Variants in EPX observed in about 807,000 individuals in gnomAD.
The protein encoded by EPX is eosinophil peroxidase.
In EPX, 60 loss-of-function variants were observed where a neutral mutation model predicts 73.0. That is an observed-to-expected ratio of 0.82 (90% CI 0.67 to 1.02). The LOEUF (loss-of-function observed/expected upper bound fraction) is 1.02. EPX is among the 50% of genes least tolerant of loss of function. The pLI, the probability that EPX is intolerant of heterozygous loss-of-function variation, is 0.00. For missense variants in EPX, 950 were observed against 973.9 expected (o/e 0.98, Z 0.33); for synonymous variants, 347 against 389.2 (o/e 0.89, Z 1.28).
chr17:58,202,302 A>T (rs982999872), intron 10 of EPX: 2 of 152,316 alleles, frequency 1.3e-5, no homozygotes, highest in African/African-American at 4.8e-5. Flanking sequence ...ACATCTTATG[A>T]TGTGGCTTGG....
rs1968363173 is a variant in EPX at position 58,203,124 on chromosome 17, G to C, written c.1752G>C (p.Arg584=). 6.2e-7 allele frequency: 1 copy of C among 1,614,056 alleles called. No individual in the cohort carries two copies. The highest frequency in any genetic ancestry group is 1.3e-5 in the African/African-American group (1 of 74,932). ...GCTTCTGTGGGCTCTCCCAGCCCCGGAATTTGGCACAGCTTAGCCGGGTGC... is the reference window on the plus strand; with the variant it reads ...GCTTCTGTGGGCTCTCCCAGCCCCGCAATTTGGCACAGCTTAGCCGGGTGC... ...WRRFCGLSQP[R]NLAQLSRVLK... is the part of the protein sequence containing the mutation. Residue 584 remains arginine, a synonymous_variant, in exon 11 of 13, where the codon CGG becomes CGC. Coordinates refer to ENST00000225371, the MANE Select transcript of EPX (RefSeq NM_000502.6).
chr17:58,196,043 TTTTC>T (rs895811114), intron 6 of EPX, among the ~76,000 whole-genome samples: 6 of 68,540 alleles, frequency 8.8e-5, no homozygotes, highest in African/African-American at 1.4e-4. Context: ...CTTTCTTTCT[TTTTC>T]TTTCTTTTTC....
rs545981521 is a variant in EPX at position 58,202,620 on chromosome 17, T to C, written c.1709-461T>C. On this transcript the variant is annotated intron_variant, in intron 10 of 12. Transcript: ENST00000225371. ...AGGACCTCTCATATCAACAGAATCA[T>C]AGTGTGCCGTCCTTTTCTGAGTAGA... The C allele has an allele frequency of 4.7e-5, 12 of 257,556 alleles. No homozygotes were observed. In the South Asian group the frequency reaches 5.6e-4, roughly 12 times the overall value. The allele number at this position is 257,556 out of a possible 1,614,324, so 16.0% of individuals were successfully genotyped here. A position where few individuals can be genotyped will look rare whatever the true frequency, so the allele number is the denominator to read the frequency against.
In EPX at chr17:58,199,205, G is replaced by A. The variant is rs202076651; in HGVS notation, c.1281+5G>A. On this transcript the variant is annotated splice_donor_5th_base_variant and intron_variant, in intron 8 of 12. Transcript: ENST00000225371. ...ATCATGGGGGCCATGGTCCAGGTAAGGAGCTCTGCATCCCAGCATCCCCCA... is the reference window on the plus strand; with the variant it reads ...ATCATGGGGGCCATGGTCCAGGTAAAGAGCTCTGCATCCCAGCATCCCCCA... 2.6e-4 allele frequency: 412 copies of A among 1,613,598 alleles called. No individual in the cohort carries two copies. Among genetic ancestry groups the A allele is most frequent in the Non-Finnish European group, 2.7e-4 (321 of 1,179,672 alleles).
Position 58,192,870 on chromosome 17 carries a change from A to T in EPX, c.24A>T (p.Ala8=), listed in dbSNP as rs1968193836. 5.0e-6 allele frequency: 8 copies of T among 1,614,108 alleles called. No individual in the cohort carries two copies. Among genetic ancestry groups the T allele is most frequent in the Non-Finnish European group, 6.8e-6 (8 of 1,179,984 alleles). The change falls in exon 1 of 13, where the codon GCA becomes GCT. Residue 8 remains alanine (A), a synonymous_variant. Coordinates refer to ENST00000225371, the MANE Select transcript of EPX (RefSeq NM_000502.6). Reference sequence around the variant, plus strand: ...AGATGCATCTGCTCCCAGCCCTGGCAGGGGTCCTGGCCACACTCGTCCTCG... The same window carrying T: ...AGATGCATCTGCTCCCAGCCCTGGCTGGGGTCCTGGCCACACTCGTCCTCG... MHLLPAL[A]GVLATLVLAQ...
chr17:58,197,114 G>A lies in EPX; in HGVS notation c.977G>A (p.Arg326His), dbSNP rs35832094. ...GAGGTCTCCCTCTCGCTGCGGCTCC[G>A]CAACCGGACCAACTACCTGGGGCTG... ...GSEVSLSLRL[R>H]NRTNYLGLLA... is the part of the protein sequence containing the mutation. The change falls in exon 7 of 13, where the codon CGC (arginine) becomes CAC (histidine). Residue 326 changes from arginine to histidine, a missense_variant. Coordinates refer to ENST00000225371, the MANE Select transcript of EPX (RefSeq NM_000502.6). 1.4e-4 allele frequency: 227 copies of A among 1,614,164 alleles called. No individual in the cohort carries two copies. In the East Asian group the frequency reaches 4.9e-3, roughly 35 times the overall value.
intron 11 of EPX, among the ~76,000 whole-genome samples, chr17:58,203,851 G>A (rs1222411853): frequency 7.1e-6 from 1 of 139,868 alleles, no homozygotes; most frequent in Non-Finnish European, 1.5e-5. Context: ...AGAATGGCGT[G>A]AACCCGGGAG....
chr17:58,193,707 C>T lies in EPX; in HGVS notation c.347-7C>T, dbSNP rs748241644. The T allele has an allele frequency of 4.4e-6, 7 of 1,606,270 alleles. No homozygotes were observed. In the South Asian group the frequency reaches 6.6e-5, roughly 15 times the overall value. ...CAGCTCAGGTCTGCCCATTTGCCTTCCCACAGATGTGCTAACAGAACCACA... is the reference window on the plus strand; with the variant it reads ...CAGCTCAGGTCTGCCCATTTGCCTTTCCACAGATGTGCTAACAGAACCACA... On this transcript the variant is annotated splice_polypyrimidine_tract_variant and splice_region_variant and intron_variant, in intron 3 of 12. Transcript: ENST00000225371.
intron 7 of EPX, among the ~76,000 whole-genome samples, chr17:58,197,948 G>C (rs1968285786): frequency 6.6e-6 from 1 of 152,108 alleles, no homozygotes; most frequent in South Asian, 2.1e-4. Flanking sequence ...TGATTCCCCT[G>C]CCTCAGCCTC....
intron 5 of EPX, 133 bp from the exon 6 acceptor site, chr17:58,194,831 G>A (rs2044276723): frequency 2.7e-6 from 2 of 728,246 alleles, no homozygotes; most frequent in Admixed American, 4.0e-5. Flanking sequence ...GGGACAAAAG[G>A]GGCATGGAGG....
chr17:58,192,815 C>A lies in EPX; in HGVS notation c.-32C>A. On this transcript the variant is annotated 5_prime_UTR_variant, in exon 1 of 13. Transcript: ENST00000225371. The stretch of plus-strand genomic sequence containing the variant: ...TCCCGTGCAGGCTGTGGATGTCACT[C>A]ACTTCCCAGCTGGTGAAGCCTCGCT... 6.3e-7 allele frequency: 1 copy of A among 1,597,900 alleles called. No homozygotes were observed. The highest frequency in any genetic ancestry group is 8.6e-7 in the Non-Finnish European group (1 of 1,167,454).
rs1968191103 is a variant in EPX at position 58,192,761 on chromosome 17, C to T, written c.-86C>T. On this transcript the variant is annotated 5_prime_UTR_variant, in exon 1 of 13. Coordinates refer to ENST00000225371, the MANE Select transcript of EPX (RefSeq NM_000502.6). ...AGGAAGTGAGAGGTCGGCTGGGGGT[C>T]CTCAAAGTGAGAGGGGAGCAGAGGA... 8.2e-7 allele frequency: 1 copy of T among 1,215,626 alleles called. No individual in the cohort carries two copies. The highest frequency in any genetic ancestry group is 1.5e-5 in the African/African-American group (1 of 66,600). The allele number at this position is 1,215,626 out of a possible 1,614,324, so 75.3% of individuals were successfully genotyped here. A position where few individuals can be genotyped will look rare whatever the true frequency, so the allele number is the denominator to read the frequency against.
Position 58,200,266 on chromosome 17 carries a change from G to A in EPX, c.1579G>A (p.Ala527Thr). 6.2e-7 allele frequency: 1 copy of A among 1,614,228 alleles called. No individual in the cohort carries two copies. Among genetic ancestry groups the A allele is most frequent in the Non-Finnish European group, 8.5e-7 (1 of 1,180,036 alleles). Residue 527 changes from alanine (A) to threonine (T), a missense_variant, in exon 10 of 13, where the codon GCC becomes ACC. Coordinates refer to ENST00000225371, the MANE Select transcript of EPX (RefSeq NM_000502.6). ...CCTCCGGGGCCTCATGGCCACCCCT[G>A]CCAAGCTGAACCGTCAGGATGCCAT... ...PILRGLMATP[A>T]KLNRQDAMLV...
In EPX at chr17:58,192,758, G is replaced by A. The variant is rs1052727620; in HGVS notation, c.-89G>A. The stretch of plus-strand genomic sequence containing the variant: ...TGGAGGAAGTGAGAGGTCGGCTGGG[G>A]GTCCTCAAAGTGAGAGGGGAGCAGA... On this transcript the variant is annotated 5_prime_UTR_variant, in exon 1 of 13. Coordinates refer to ENST00000225371, the MANE Select transcript of EPX (RefSeq NM_000502.6). The A allele has an allele frequency of 1.4e-5, 16 of 1,127,288 alleles. No homozygotes were observed. In the African/African-American group the frequency reaches 2.3e-4, roughly 16 times the overall value. The allele number at this position is 1,127,288 out of a possible 1,614,324, so 69.8% of individuals were successfully genotyped here.
intron 5 of EPX, among the ~76,000 whole-genome samples, chr17:58,194,655 T>C (rs1316312128): frequency 6.6e-6 from 1 of 152,172 alleles, no homozygotes; most frequent in East Asian, 1.9e-4. Flanking sequence ...TAGCTATCAG[T>C]GTACAAATTG....
Position 58,193,048 on chromosome 17 carries a change from G to T in EPX, c.87G>T (p.Gly29=). 1 of 1,610,650 alleles carries T rather than the reference G, an allele frequency of 6.2e-7. No homozygotes were observed. Among genetic ancestry groups the T allele is most frequent in the Non-Finnish European group, 8.5e-7 (1 of 1,176,762 alleles). ...CATCTCTTTGAACAGCCTCCCCTGGGGCAGTGGAGACCTCGGTCCTGCGAG... is the reference window on the plus strand; with the variant it reads ...CATCTCTTTGAACAGCCTCCCCTGGTGCAGTGGAGACCTCGGTCCTGCGAG... ...PCEGTDPASP[G]AVETSVLRDC... is the part of the protein sequence containing the mutation. Residue 29 remains glycine, a synonymous_variant, in exon 2 of 13, where the codon GGG becomes GGT. Transcript: ENST00000225371.
At chr17:58,194,160 G>C in intron 5 of EPX, 68 bp downstream of exon 5, 1 of 1,531,938 alleles carries the variant, frequency 6.5e-7, no homozygotes, top group East Asian at 2.3e-5. Context: ...ACACAGCCCA[G>C]AGTCACGCAG....
chr17:58,197,693 C>T (rs968543234), intron 7 of EPX, among the ~76,000 whole-genome samples: 4 of 152,082 alleles, frequency 2.6e-5, no homozygotes, highest in African/African-American at 9.7e-5. Context: ...GATAAATTTC[C>T]GTAGTTCCTC....
chr17:58,201,313 G>A (rs775881059), intron 10 of EPX, among the ~76,000 whole-genome samples: 2 of 152,316 alleles, frequency 1.3e-5, no homozygotes, highest in East Asian at 1.9e-4. Flanking sequence ...AAACTTGGGC[G>A]CTCCTGGCAG....
Sources: allele counts gnomAD v4.1 joint callset (sites outside exome capture counted in the v4.1 genomes callset), GRCh38; gene constraint gnomAD v4.1.1; transcripts MANE v1.5; gene names NCBI Gene and HGNC (gene_info 2026-07-23, HGNC 2026-07-21).